Variants in RPH3AL observed in about 807,000 individuals in gnomAD.
RPH3AL encodes rabphilin 3A like (without C2 domains).
In RPH3AL, 38 loss-of-function variants were observed where a neutral mutation model predicts 43.1. The observed-to-expected ratio is 0.88, with a 90% CI of 0.68 to 1.15. The LOEUF (loss-of-function observed/expected upper bound fraction) is 1.15, where lower values mean the gene tolerates loss of function less well. Among genes scored for constraint, RPH3AL ranks in the 50% most tolerant of loss-of-function variants. The pLI, the probability that RPH3AL is intolerant of heterozygous loss-of-function variation, is 0.00. For synonymous variants in RPH3AL, 189 were observed against 176.3 expected (o/e 1.07, Z -0.57); for missense variants, 462 against 423.2 (o/e 1.09, Z -0.81).
At chr17:309,121 C>A (rs966782782) in intron 5 of RPH3AL, among the ~76,000 whole-genome samples, 5 of 152,136 alleles carry the variant, frequency 3.3e-5, no homozygotes, top group Non-Finnish European at 7.3e-5. Flanking sequence ...ACATAGCAGA[C>A]CCTGTCTCTA....
Position 246,875 on chromosome 17 carries a change from G to A in RPH3AL, c.613+236C>T, listed in dbSNP as rs556564653. Among the ~76,000 whole-genome samples, 3 of 152,336 alleles carry A rather than the reference G, an allele frequency of 2.0e-5. No homozygotes were observed. The highest frequency in any genetic ancestry group is 2.0e-4 in the Admixed American group (3 of 15,300). On this transcript the variant is annotated intron_variant, in intron 7 of 9. Coordinates refer to ENST00000331302, the MANE Select transcript of RPH3AL (RefSeq NM_006987.4). The surrounding 1 kb of genome is among the most constrained non-coding windows in gnomAD (Gnocchi z 4.8). ...CAGAGCAGTACTTGTATGTGATACT[G>A]CCCCCCGTGGGCCCTCCCGCCGCAC...
chr17:247,213 G>T lies in RPH3AL; in HGVS notation c.511C>A (p.Arg171=). The change falls in exon 7 of 10, where the codon CGA becomes AGA. Residue 171 remains arginine (R), a synonymous_variant. Transcript: ENST00000331302. ...KYILPLKTPG[R]ADDPHFRPLP... The stretch of plus-strand genomic sequence containing the variant: ...GGTCGGAAGTGGGGGTCATCAGCTC[G>T]GCCAGGGGTCTTCAGGGGCAAGATA... 3 of 1,613,736 alleles carry T rather than the reference G, an allele frequency of 1.9e-6. No individual in the cohort carries two copies. Among genetic ancestry groups the T allele is most frequent in the Non-Finnish European group, 2.5e-6 (3 of 1,179,848 alleles).
chr17:336,971 G>T (rs560268395), intron 1 of RPH3AL, among the ~76,000 whole-genome samples: 2 of 152,074 alleles, frequency 1.3e-5, no homozygotes, highest in Non-Finnish European at 2.9e-5. Flanking sequence ...CCGCCCTCCC[G>T]TCAGCATTTC....
intron 1 of RPH3AL, chr17:339,754 G>A (rs1011861563): frequency 1.3e-5 from 2 of 152,236 alleles, no homozygotes; most frequent in Non-Finnish European, 2.9e-5. Flanking sequence ...GGTGCCTAAC[G>A]AAAGCAATGA....
At chr17:277,940 G>C (rs764263575) in intron 6 of RPH3AL, among the ~76,000 whole-genome samples, 93 of 151,916 alleles carry the variant, frequency 6.1e-4, no homozygotes, top group Non-Finnish European at 1.1e-3. Context: ...GGGTGACACA[G>C]TGAGATCCTG....
At chr17:284,696 C>T (rs1314069062) in intron 5 of RPH3AL, among the ~76,000 whole-genome samples, 1 of 152,212 alleles carries the variant, frequency 6.6e-6, no homozygotes, top group Non-Finnish European at 1.5e-5. Context: ...GGGCCGCCTT[C>T]CCCTATGCAC....
Position 258,259 on chromosome 17 carries a change from G to A in RPH3AL, c.439-10974C>T, listed in dbSNP as rs143753278. Among the ~76,000 whole-genome samples, 258 of 152,302 alleles carry A rather than the reference G, an allele frequency of 1.7e-3. 1 individual carries two copies. Among genetic ancestry groups the A allele is most frequent in the African/African-American group, 6.1e-3 (253 of 41,556 alleles). On this transcript the variant is annotated intron_variant, in intron 6 of 9. Transcript: ENST00000331302. ...CATCACAGCCGTCTTGCTCACCACTGTTTCTTCAAGCTCCTAGCACACGCC... is the reference window on the plus strand; with the variant it reads ...CATCACAGCCGTCTTGCTCACCACTATTTCTTCAAGCTCCTAGCACACGCC...
chr17:344,700 TACC>T lies in RPH3AL; in HGVS notation c.-213+8009_-213+8011del, dbSNP rs1356883368. On this transcript the variant is annotated intron_variant, in intron 1 of 9. Transcript: ENST00000331302. ...TCACCACCATCACTGTCATCTCAGT[TACC>T]ACCATCACTATAATCATCACCATCA... Among the ~76,000 whole-genome samples, 4 of 132,362 alleles carry T rather than the reference TACC, an allele frequency of 3.0e-5. 2 individuals are homozygous for T. The highest frequency in any genetic ancestry group is 1.0e-4 in the African/African-American group (4 of 38,756). The allele number at this position is 132,362 out of a possible 152,430, so 86.8% of individuals were successfully genotyped here.
chr17:331,334 C>A, intron 2 of RPH3AL: 4 of 41,754 alleles, frequency 9.6e-5, no homozygotes, highest in South Asian at 2.9e-4. Flanking sequence ...AAGGATGTCG[C>A]CTCCAGAGCT....
At chr17:338,734 G>A (rs983533729) in intron 1 of RPH3AL, 2 of 152,226 alleles carry the variant, frequency 1.3e-5, no homozygotes, top group African/African-American at 4.8e-5. Context: ...AAAGTCCCAG[G>A]CAGGCAGAAT....
intron 2 of RPH3AL, among the ~76,000 whole-genome samples, chr17:327,804 G>C (rs1445599632): frequency 1.3e-5 from 2 of 152,190 alleles, no homozygotes; most frequent in African/African-American, 4.8e-5. Flanking sequence ...TGGATCATGT[G>C]GCCGAGTGAC....
At chr17:259,311 A>G (rs1314989040) in intron 6 of RPH3AL, among the ~76,000 whole-genome samples, 1 of 152,168 alleles carries the variant, frequency 6.6e-6, no homozygotes, top group Non-Finnish European at 1.5e-5. Flanking sequence ...CACTGTCAGT[A>G]TTTCTGAAAA....
At chr17:298,298 G>A (rs144211023) in intron 5 of RPH3AL, among the ~76,000 whole-genome samples, 32 of 152,124 alleles carry the variant, frequency 2.1e-4, no homozygotes, top group East Asian at 9.7e-4. Context: ...GTAGAGCACC[G>A]GCCTCTCTGA....
At chr17:244,992 A>C (rs1372207611) in intron 7 of RPH3AL, among the ~76,000 whole-genome samples, 1 of 151,954 alleles carries the variant, frequency 6.6e-6, no homozygotes, top group Non-Finnish European at 1.5e-5. Flanking sequence ...GCAAGTGTGT[A>C]TGCATGTGGA....
Position 212,656 on chromosome 17 carries a change from G to A in RPH3AL, c.*1196C>T, listed in dbSNP as rs554349292. 2.0e-5 allele frequency: 3 copies of A among 152,202 alleles called. No individual in the cohort carries two copies. The highest frequency in any genetic ancestry group is 3.4e-3 in the Middle Eastern group (1 of 294). The allele number at this position is 152,202 out of a possible 1,614,324, so 9.4% of individuals were successfully genotyped here. A position where few individuals can be genotyped will look rare whatever the true frequency, so the allele number is the denominator to read the frequency against. On this transcript the variant is annotated 3_prime_UTR_variant, in exon 10 of 10. Transcript: ENST00000331302. ...GCCCTTCCAGACCCAGGAACCCGGG[G>A]TTTGGGGCAGGAGGCAGGAAGGATG... is the stretch of plus-strand genomic sequence containing the variant.
rs763096320 is a variant in RPH3AL at position 225,633 on chromosome 17, C to T, written c.614-5897G>A. On this transcript the variant is annotated intron_variant, in intron 7 of 9. Coordinates refer to ENST00000331302, the MANE Select transcript of RPH3AL (RefSeq NM_006987.4). This position sits in a 1 kb window ranked among gnomAD's most constrained non-coding sequence, Gnocchi z 4.4. ...GGGAGGTGTCCAGCAGGAGGACAGT[C>T]CTGCGGAGGGTGGGGTGGCTCGTCT... Among the ~76,000 whole-genome samples, 3 of 152,164 alleles carry T rather than the reference C, an allele frequency of 2.0e-5. No homozygotes were observed. Among genetic ancestry groups the T allele is most frequent in the Non-Finnish European group, 4.4e-5 (3 of 68,030 alleles).
chr17:253,475 T>A (rs1362139722), intron 6 of RPH3AL, among the ~76,000 whole-genome samples: 1 of 152,160 alleles, frequency 6.6e-6, no homozygotes, highest in Non-Finnish European at 1.5e-5. Context: ...ACCACGGTTT[T>A]GGCCTCCGGG....
At chr17:263,630 A>AT (rs2042252179) in intron 6 of RPH3AL, among the ~76,000 whole-genome samples, 1 of 152,230 alleles carries the variant, frequency 6.6e-6, no homozygotes, top group Non-Finnish European at 1.5e-5. Flanking sequence ...TCTGCACGGT[A>AT]GGTCGACTCG....
Position 273,414 on chromosome 17 carries a change from GTGAGACCCCGGCGAGGGCGACGTCAGGA to G in RPH3AL, c.438+8326_438+8353del, listed in dbSNP as rs2042567688. On this transcript the variant is annotated intron_variant, in intron 6 of 9. Transcript: ENST00000331302. ...AGACCCCAGCGAGGGTGACGTCAGGGTGAGACCCCGGCGAGGGCGACGTCAGGAAGAGACCCCAGCGAGGGCGACGTCA... is the reference window on the plus strand; with the variant it reads ...AGACCCCAGCGAGGGTGACGTCAGGGAGAGACCCCAGCGAGGGCGACGTCA... Among the ~76,000 whole-genome samples, 9 of 66,994 alleles carry G rather than the reference GTGAGACCCCGGCGAGGGCGACGTCAGGA, an allele frequency of 1.3e-4. 1 individual carries two copies. Among genetic ancestry groups the G allele is most frequent in the African/African-American group, 3.9e-4 (8 of 20,570 alleles). 44.0% of individuals were successfully genotyped at this position (66,994 alleles called of 152,430 possible). A position where few individuals can be genotyped will look rare whatever the true frequency, so the allele number is the denominator to read the frequency against.
Sources: allele counts gnomAD v4.1 joint callset (sites outside exome capture counted in the v4.1 genomes callset), GRCh38; gene constraint gnomAD v4.1.1; non-coding constraint Gnocchi (gnomAD v3.1); transcripts MANE v1.5; gene names NCBI Gene and HGNC (gene_info 2026-07-23, HGNC 2026-07-21).